Variants in OLFML1 observed in about 807,000 individuals in gnomAD.
OLFML1 encodes the protein olfactomedin-like protein 1.
In OLFML1, 33 loss-of-function variants were observed where a neutral mutation model predicts 37.3. The observed-to-expected ratio is 0.88, with a 90% CI of 0.67 to 1.18. The LOEUF is 1.18. Among genes scored for constraint, OLFML1 ranks in the 50% most tolerant of loss-of-function variants. The pLI is 0.00. For missense variants in OLFML1, 545 were observed against 483.7 expected, an observed-to-expected ratio of 1.13 and a Z score of -1.19; for synonymous variants, 186 against 181.3, an observed-to-expected ratio of 1.03 and a Z score of -0.21.
intron 2 of OLFML1, among the ~76,000 whole-genome samples, chr11:7,508,257 A>G (rs1848809226): frequency 6.6e-6 from 1 of 152,218 alleles, no homozygotes; most frequent in African/African-American, 2.4e-5. Context: ...TCCACATTTT[A>G]ATAAGACCGG....
chr11:7,493,220 G>A (rs1267932721), intron 2 of OLFML1, among the ~76,000 whole-genome samples: 1 of 152,124 alleles, frequency 6.6e-6, no homozygotes, highest in Non-Finnish European at 1.5e-5. Flanking sequence ...CATATCTTTT[G>A]TTAGATCACG....
At chr11:7,509,156 C>A (rs1047409339) in intron 2 of OLFML1, among the ~76,000 whole-genome samples, 1 of 152,186 alleles carries the variant, frequency 6.6e-6, no homozygotes, top group Admixed American at 6.5e-5. Flanking sequence ...TGGCTTCTTG[C>A]TGGGATTTAA....
At chr11:7,503,487 T>C (rs1212019859) in intron 2 of OLFML1, among the ~76,000 whole-genome samples, 1 of 152,172 alleles carries the variant, frequency 6.6e-6, no homozygotes, top group African/African-American at 2.4e-5. Flanking sequence ...TTTGCCAACA[T>C]GGAGGCTGCC....
At chr11:7,491,692 T>G (rs1456922078) in intron 2 of OLFML1, among the ~76,000 whole-genome samples, 1 of 151,796 alleles carries the variant, frequency 6.6e-6, no homozygotes, top group Non-Finnish European at 1.5e-5. Flanking sequence ...CAAATTACCA[T>G]AGATTTAGCA....
chr11:7,506,029 G>A (rs1186988395), intron 2 of OLFML1, among the ~76,000 whole-genome samples: 1 of 152,134 alleles, frequency 6.6e-6, no homozygotes, highest in Non-Finnish European at 1.5e-5. Context: ...ACATTATAAA[G>A]AATAATTTCT....
chr11:7,510,049 C>A lies in OLFML1; in HGVS notation c.1070C>A (p.Pro357His). 5 of 1,614,198 alleles carry A rather than the reference C, an allele frequency of 3.1e-6. No homozygotes were observed. The highest frequency in any genetic ancestry group is 4.2e-6 in the Non-Finnish European group (5 of 1,180,046). The stretch of plus-strand genomic sequence containing the variant: ...GGCACTATCAGTGAGGAGGACTTGC[C>A]CAACTTGTTCTTCCCCAAGAGACCA... ...PLGTISEEDL[P>H]NLFFPKRPRS... The change falls in exon 3 of 3, where the codon CCC becomes CAC. Residue 357 changes from proline to histidine, a missense_variant. Physicochemically the swap from Pro to His is moderately conservative, Grantham distance 77. Coordinates refer to ENST00000329293, the MANE Select transcript of OLFML1 (RefSeq NM_198474.4).
rs750027764 is a variant in OLFML1, at chr11:7,509,436, A to G, written c.457A>G (p.Ile153Val). 6 of 1,613,324 alleles carry G rather than the reference A, an allele frequency of 3.7e-6. No homozygotes were observed. Among genetic ancestry groups the G allele is most frequent in the Non-Finnish European group, 4.2e-6 (5 of 1,179,646 alleles). ...GCTGATGGGCATAAAGTCTTTGAAA[A>G]TAGTGAAGAAGATGATGGACACACA... Reference protein sequence around the residue: ...NMLMGIKSLKIVKKMMDTHGS... With the variant: ...NMLMGIKSLKVVKKMMDTHGS... The change falls in exon 3 of 3, where the codon ATA becomes GTA. Residue 153 changes from isoleucine (I) to valine (V), a missense_variant. Coordinates refer to ENST00000329293, the MANE Select transcript of OLFML1 (RefSeq NM_198474.4).
rs184836644 is a variant in OLFML1 at position 7,497,312 on chromosome 11, T to C, written c.418+8897T>C. ...AAACAGATAAGACAAAGCCCCTGCT[T>C]TTATTTTTCTTTCATTTTTTAGAGC... On this transcript the variant is annotated intron_variant, in intron 2 of 2. Transcript: ENST00000329293. 3.9e-5 allele frequency among the ~76,000 whole-genome samples: 6 copies of C among 152,320 alleles called. No homozygotes were observed. The East Asian group carries it at 1.2e-3, about 29-fold the overall frequency.
At chr11:7,504,794 T>C (rs935508869) in intron 2 of OLFML1, 2 of 152,396 alleles carry the variant, frequency 1.3e-5, no homozygotes, top group African/African-American at 4.8e-5. Context: ...CATCTCACTA[T>C]GCATCTCTCT....
At chr11:7,501,522 G>A (rs1848725503) in intron 2 of OLFML1, among the ~76,000 whole-genome samples, 1 of 152,148 alleles carries the variant, frequency 6.6e-6, no homozygotes, top group East Asian at 1.9e-4. Context: ...GTCTGGCTCT[G>A]GCCACAGTGT....
In OLFML1 at chr11:7,509,488, A is replaced by G. The variant is rs372727040; in HGVS notation, c.509A>G (p.Tyr170Cys). ...GGCTCTTGGATGAAAGATGCTGTCT[A>G]TAACTCTCCAAAGGTGTACTTATTA... is the stretch of plus-strand genomic sequence containing the variant. The part of the protein sequence containing the change: ...THGSWMKDAV[Y>C]NSPKVYLLIG... Residue 170 changes from tyrosine (Y) to cysteine (C), a missense_variant, in exon 3 of 3, where the codon TAT becomes TGT. Physicochemically the swap from Tyr to Cys is radical, Grantham distance 194 (BLOSUM62 -2). Coordinates refer to ENST00000329293, the MANE Select transcript of OLFML1 (RefSeq NM_198474.4). 3.2e-5 allele frequency: 51 copies of G among 1,614,068 alleles called. No individual in the cohort carries two copies. In the African/African-American group the frequency reaches 5.1e-4, roughly 16 times the overall value.
chr11:7,488,135 G>T lies in OLFML1; in HGVS notation c.138G>T (p.Leu46=). The change falls in exon 2 of 3, where the codon CTG becomes CTT. Residue 46 remains leucine (L), a synonymous_variant. Transcript: ENST00000329293. ...YQRFRVLEQG[L]EKCTQATRAY... is the part of the protein sequence containing the mutation. ...TTATTTTCTGACTGAAGCAAGGGCT[G>T]GAAAAATGTACCCAAGCAACGAGGG... The T allele has an allele frequency of 6.2e-7, 1 of 1,601,718 alleles. No individual in the cohort carries two copies. The highest frequency in any genetic ancestry group is 8.5e-7 in the Non-Finnish European group (1 of 1,171,522).
chr11:7,508,520 T>C (rs552768991), intron 2 of OLFML1, among the ~76,000 whole-genome samples: 2 of 152,240 alleles, frequency 1.3e-5, no homozygotes, highest in Non-Finnish European at 2.9e-5. Context: ...TTCCTTTCCC[T>C]ATTCTTCTTA....
In OLFML1 at chr11:7,485,613, G is replaced by C. The variant is rs1848510850; in HGVS notation, c.-263G>C. ...TCAAGGGTGAGGGCAACAGATGCTG[G>C]ACCCAGGGAGCTCTCTGCCACAGGT... is the stretch of plus-strand genomic sequence containing the variant. On this transcript the variant is annotated 5_prime_UTR_variant, in exon 1 of 3. Coordinates refer to ENST00000329293, the MANE Select transcript of OLFML1 (RefSeq NM_198474.4). The C allele has an allele frequency of 2.3e-6, 1 of 426,608 alleles. No homozygotes were observed. The highest frequency in any genetic ancestry group is 4.2e-6 in the Non-Finnish European group (1 of 236,500). The allele number at this position is 426,608 out of a possible 1,614,324, so 26.4% of individuals were successfully genotyped here.
chr11:7,498,351 A>C (rs534022611), intron 2 of OLFML1, among the ~76,000 whole-genome samples: 1 of 152,272 alleles, frequency 6.6e-6, no homozygotes, highest in South Asian at 2.1e-4. Flanking sequence ...AAAGTCTAAA[A>C]CTTGCGGGAA....
intron 2 of OLFML1, among the ~76,000 whole-genome samples, chr11:7,499,424 A>T (rs1564921318): frequency 6.6e-6 from 1 of 152,228 alleles, no homozygotes; most frequent in Non-Finnish European, 1.5e-5. Flanking sequence ...AGGGAGTTTT[A>T]ACTTACCCTT....
intron 2 of OLFML1, among the ~76,000 whole-genome samples, chr11:7,507,604 A>G (rs1369750266): frequency 6.6e-6 from 1 of 150,720 alleles, no homozygotes; most frequent in Non-Finnish European, 1.5e-5. Flanking sequence ...GCTGGAGTGC[A>G]GTGGCATGAT....
intron 2 of OLFML1, among the ~76,000 whole-genome samples, chr11:7,503,482 C>A (rs555869120): frequency 5.3e-5 from 8 of 152,266 alleles, no homozygotes; most frequent in African/African-American, 1.9e-4. Context: ...TTGGATTTGC[C>A]AACATGGAGG....
intron 2 of OLFML1, among the ~76,000 whole-genome samples, chr11:7,494,686 AG>A (rs138024356): frequency 0.045 from 6,828 of 152,244 alleles, 220 homozygotes; most frequent in Non-Finnish European, 0.072. Context: ...GAATGGCAGT[AG>A]GGGAGGCTGA....
Sources: allele counts gnomAD v4.1 joint callset (sites outside exome capture counted in the v4.1 genomes callset), GRCh38; gene constraint gnomAD v4.1.1; transcripts MANE v1.5; gene names NCBI Gene and HGNC (gene_info 2026-07-23, HGNC 2026-07-21).